The following FARS2 variants were observed in gnomAD, a reference collection of about 807,000 sequenced individuals.
FARS2 encodes phenylalanyl-tRNA synthetase 2, mitochondrial, also known as phenylalanine--tRNA ligase, mitochondrial.
In FARS2, 40 loss-of-function variants were observed where a neutral mutation model predicts 46.4. That is an observed-to-expected ratio of 0.86 (90% CI 0.67 to 1.12). The LOEUF is 1.12. Ranked by LOEUF, FARS2 falls within the 50% of genes most tolerant of loss-of-function variation. The pLI, the probability that FARS2 is intolerant of heterozygous loss-of-function variation, is 0.00. For missense variants in FARS2, 513 were observed against 567.9 expected (o/e 0.90, Z 0.98); for synonymous variants, 234 against 214.9 (o/e 1.09, Z -0.78).
intron 2 of FARS2, chr6:5,371,074 A>T: frequency 2.5e-6 from 1 of 400,746 alleles, no homozygotes; most frequent in Non-Finnish European, 3.4e-6. Context: ...AGCTCTTCTG[A>T]ATTCATTGCC....
chr6:5,494,001 A>G (rs12214968), intron 4 of FARS2, among the ~76,000 whole-genome samples: 29,899 of 151,994 alleles, frequency 0.2, 3,407 homozygotes, highest in African/African-American at 0.3. Flanking sequence ...TGCCAGCGCT[A>G]TTTCAGCAGC....
chr6:5,660,554 G>C (rs780665413), intron 6 of FARS2, among the ~76,000 whole-genome samples: 4 of 151,932 alleles, frequency 2.6e-5, no homozygotes, highest in African/African-American at 4.8e-5. Context: ...AGGCTGAGGT[G>C]GGGGGATCCC....
intron 4 of FARS2, among the ~76,000 whole-genome samples, chr6:5,488,032 T>G (rs1766884242): frequency 6.6e-6 from 1 of 152,236 alleles, no homozygotes; most frequent in African/African-American, 2.4e-5. Context: ...TGAAGATTAT[T>G]TCTTTTGGAT....
At chr6:5,389,882 T>C (rs1234165758) in intron 2 of FARS2, among the ~76,000 whole-genome samples, 2 of 152,162 alleles carry the variant, frequency 1.3e-5, no homozygotes, top group African/African-American at 4.8e-5. Context: ...GTTTTTTTCC[T>C]GAGAGAGGGT....
At chr6:5,710,517 G>A (rs964576533) in intron 6 of FARS2, among the ~76,000 whole-genome samples, 7 of 151,974 alleles carry the variant, frequency 4.6e-5, no homozygotes, top group African/African-American at 1.7e-4. Context: ...TCGCTGAGAG[G>A]GACAGCGATG....
At chr6:5,515,258 T>C (rs563313838) in intron 4 of FARS2, among the ~76,000 whole-genome samples, 22 of 152,268 alleles carry the variant, frequency 1.4e-4, no homozygotes, top group African/African-American at 5.1e-4. Flanking sequence ...TTAATTGAAG[T>C]TCCATGAAAC....
intron 6 of FARS2, among the ~76,000 whole-genome samples, chr6:5,732,276 G>A (rs559204909): frequency 6.4e-4 from 98 of 152,292 alleles, no homozygotes; most frequent in African/African-American, 2.1e-3. Context: ...AGAGAGGTAC[G>A]TGTCGGTGAT....
At chr6:5,687,061 T>A (rs1282598294) in intron 6 of FARS2, among the ~76,000 whole-genome samples, 1 of 152,208 alleles carries the variant, frequency 6.6e-6, no homozygotes, top group Non-Finnish European at 1.5e-5. Context: ...TTTTTTCTTG[T>A]AAATTTGTTT....
chr6:5,731,513 C>T lies in FARS2; in HGVS notation c.1218-39778C>T, dbSNP rs543838381. 7.2e-5 allele frequency among the ~76,000 whole-genome samples: 11 copies of T among 152,278 alleles called. 1 individual carries two copies. In the South Asian group the frequency reaches 1.7e-3, roughly 23 times the overall value. ...TGCCCCTTGGATTAGAAGCCATGGG[C>T]GCCATTCTTTGAGCACTTTTCACAC... On this transcript the variant is annotated intron_variant, in intron 6 of 6. Transcript: ENST00000274680.
At position 5,407,043 on chromosome 6, in the gene FARS2, T is replaced by TTATATATATATA. The variant is rs201074448; in HGVS notation, c.772+2355_772+2366dup. Among the ~76,000 whole-genome samples, 623 of 83,840 alleles carry TTATATATATATA rather than the reference T, an allele frequency of 7.4e-3. 35 individuals carry two copies. The highest frequency in any genetic ancestry group is 0.025 in the African/African-American group (507 of 20,558). The allele number at this position is 83,840 out of a possible 152,430, so 55.0% of individuals were successfully genotyped here. A position where few individuals can be genotyped will look rare whatever the true frequency, so the allele number is the denominator to read the frequency against. On this transcript the variant is annotated intron_variant, in intron 3 of 6. Transcript: ENST00000274680. Reference sequence around the variant, plus strand: ...AATGGGTGAACATGAAGGTGGCAAATTATATATATATATATATATATATAA... The same window carrying TTATATATATATA: ...AATGGGTGAACATGAAGGTGGCAAATTATATATATATATATATATATATATATATATATATAA...
chr6:5,340,151 AGTC>A (rs1199346204), intron 1 of FARS2, among the ~76,000 whole-genome samples: 3 of 152,210 alleles, frequency 2.0e-5, no homozygotes, highest in Admixed American at 6.5e-5. Flanking sequence ...ATTGATGTTG[AGTC>A]TGCTTTGCTA....
At chr6:5,407,966 A>G (rs1458963249) in intron 3 of FARS2, among the ~76,000 whole-genome samples, 1 of 152,194 alleles carries the variant, frequency 6.6e-6, no homozygotes, top group Non-Finnish European at 1.5e-5. Context: ...CTTAACAGAA[A>G]GATTCAGGCT....
chr6:5,291,904 G>A (rs1311968457), intron 1 of FARS2, among the ~76,000 whole-genome samples: 1 of 152,138 alleles, frequency 6.6e-6, no homozygotes, highest in African/African-American at 2.4e-5. Context: ...TTACTCCAAA[G>A]AGTGCATAGT....
At chr6:5,426,139 C>T in intron 3 of FARS2, among the ~76,000 whole-genome samples, 1 of 151,930 alleles carries the variant, frequency 6.6e-6, no homozygotes, top group East Asian at 1.9e-4. Flanking sequence ...AAGCTCTGAG[C>T]TTCATCTGTG....
In FARS2 at chr6:5,613,292, G is replaced by T; in HGVS notation, c.1189G>T (p.Asp397Tyr). ...TIGGDLVEKV[D>Y]LIDKFVHPKT... The stretch of plus-strand genomic sequence containing the variant: ...TGGAGGAGACCTGGTGGAAAAGGTT[G>T]ATCTCATAGACAAGTTTGTACATCC... The change falls in exon 6 of 7, where the codon GAT (aspartate) becomes TAT (tyrosine). Residue 397 changes from aspartate (D) to tyrosine (Y), a missense_variant. Asp to Tyr is a radical substitution (Grantham distance 160, BLOSUM62 -3). Coordinates refer to ENST00000274680, the MANE Select transcript of FARS2 (RefSeq NM_006567.5). 1 of 1,613,332 alleles carries T rather than the reference G, an allele frequency of 6.2e-7. No individual in the cohort carries two copies. Among genetic ancestry groups the T allele is most frequent in the East Asian group, 2.2e-5 (1 of 44,788 alleles).
intron 4 of FARS2, among the ~76,000 whole-genome samples, chr6:5,464,522 C>A (rs73354473): frequency 0.036 from 5,539 of 152,314 alleles, 257 homozygotes; most frequent in African/African-American, 0.1. Context: ...ATTGCTTTGT[C>A]ACTTTTTCCC....
intron 6 of FARS2, among the ~76,000 whole-genome samples, chr6:5,687,856 T>C (rs1354689274): frequency 6.6e-6 from 1 of 152,230 alleles, no homozygotes; most frequent in Non-Finnish European, 1.5e-5. Flanking sequence ...TCCATTTGTT[T>C]GTATCCTCTT....
In FARS2 at chr6:5,271,170, A is replaced by G. The variant is rs375935225; in HGVS notation, c.-22+9510A>G. ...AAGATTCAATTTTGTGCTTTTCTCT[A>G]CTTTGTCTTCTCTAACGTAAATTTT... On this transcript the variant is annotated intron_variant, in intron 1 of 6. Transcript: ENST00000274680. 2.8e-4 allele frequency among the ~76,000 whole-genome samples: 43 copies of G among 152,172 alleles called. No individual in the cohort carries two copies. The South Asian group carries it at 7.9e-3, about 28-fold the overall frequency.
At chr6:5,367,838 A>T (rs1758779678) in intron 1 of FARS2, among the ~76,000 whole-genome samples, 1 of 152,184 alleles carries the variant, frequency 6.6e-6, no homozygotes. Context: ...ATTTGCATTT[A>T]CAGCTGTCCA....
Sources: allele counts gnomAD v4.1 joint callset (sites outside exome capture counted in the v4.1 genomes callset), GRCh38; gene constraint gnomAD v4.1.1; transcripts MANE v1.5; gene names NCBI Gene and HGNC (gene_info 2026-07-23, HGNC 2026-07-21).